The following PPARGC1A variants were observed in gnomAD, a reference collection of about 807,000 sequenced individuals.
PPARGC1A encodes peroxisome proliferator-activated receptor gamma coactivator 1-alpha.
In PPARGC1A, 25 loss-of-function variants were observed where a neutral mutation model predicts 88.7. The ratio of observed to expected loss-of-function variants is 0.28; its 90% CI spans 0.21 to 0.39. The LOEUF (loss-of-function observed/expected upper bound fraction) is 0.39. Ranked by LOEUF, PPARGC1A falls within the 10% of genes least tolerant of loss-of-function variation. The pLI is 1.00. For synonymous variants in PPARGC1A, 363 were observed against 355.6 expected (o/e 1.02, Z -0.24); for missense variants, 880 against 968.7 (o/e 0.91, Z 1.22).
chr4:23,966,773 C>T, the PPARGC1A span, among the ~76,000 whole-genome samples: 82 of 152,298 alleles, frequency 5.4e-4, no homozygotes, highest in Non-Finnish European at 8.8e-4. Context: ...TTAGACCAGG[C>T]ATTGTGGCTT....
At chr4:23,994,411 GA>G in the PPARGC1A span, among the ~76,000 whole-genome samples, 3 of 152,134 alleles carry the variant, frequency 2.0e-5, no homozygotes, top group Non-Finnish European at 2.9e-5. Context: ...GGTTTGAGGA[GA>G]AAAGTGGTCT....
the PPARGC1A span, among the ~76,000 whole-genome samples, chr4:23,973,015 G>A: frequency 1.3e-5 from 2 of 152,074 alleles, no homozygotes; most frequent in Non-Finnish European, 2.9e-5. Flanking sequence ...TCAATTGCAG[G>A]GATTCTACCA....
At chr4:24,170,430 G>A in the PPARGC1A span, among the ~76,000 whole-genome samples, 1 of 152,100 alleles carries the variant, frequency 6.6e-6, no homozygotes, top group Non-Finnish European at 1.5e-5. Context: ...ATACCAAGAG[G>A]GTATAATCTA....
chr4:24,059,924 G>A, the PPARGC1A span, among the ~76,000 whole-genome samples: 4 of 152,112 alleles, frequency 2.6e-5, no homozygotes, highest in Non-Finnish European at 2.9e-5. Flanking sequence ...TGATTGCGCC[G>A]TCTCTGCTCT....
the PPARGC1A span, among the ~76,000 whole-genome samples, chr4:24,245,862 TGC>T: frequency 1.2e-5 from 1 of 83,118 alleles, no homozygotes; most frequent in Admixed American, 1.4e-4. Flanking sequence ...ATTAAATTGC[TGC>T]TATTTGTTGT....
At chr4:23,875,164 T>C (rs60571065) in intron 2 of PPARGC1A, among the ~76,000 whole-genome samples, 8 of 151,630 alleles carry the variant, frequency 5.3e-5, no homozygotes, top group African/African-American at 4.8e-5. Flanking sequence ...AAAAAGATAA[T>C]TGTTTGTGGA....
chr4:23,811,337 AT>A (rs1720859843), intron 10 of PPARGC1A, among the ~76,000 whole-genome samples: 1 of 152,094 alleles, frequency 6.6e-6, no homozygotes, highest in Non-Finnish European at 1.5e-5. Flanking sequence ...GTCAAAAATC[AT>A]TTCCCTAAGC....
the PPARGC1A span, among the ~76,000 whole-genome samples, chr4:24,014,718 G>A: frequency 6.6e-6 from 1 of 152,104 alleles, no homozygotes; most frequent in Non-Finnish European, 1.5e-5. Context: ...GCCATGAGGA[G>A]AGTATCTGTC....
At chr4:24,173,113 G>C in the PPARGC1A span, among the ~76,000 whole-genome samples, 1 of 152,104 alleles carries the variant, frequency 6.6e-6, no homozygotes, top group African/African-American at 2.4e-5. Context: ...CATGTTACTG[G>C]TGACAGGGCA....
the PPARGC1A span, among the ~76,000 whole-genome samples, chr4:24,049,297 T>TAC: frequency 9.6e-5 from 5 of 52,216 alleles, no homozygotes; most frequent in Admixed American, 1.3e-3. Context: ...TGTGTGTATA[T>TAC]ATATATGTGT....
chr4:23,959,798 G>A, the PPARGC1A span, among the ~76,000 whole-genome samples: 37 of 152,154 alleles, frequency 2.4e-4, no homozygotes, highest in South Asian at 4.1e-4. Flanking sequence ...CATATTAGCC[G>A]GGAAGGTAAT....
At chr4:24,171,417 T>C in the PPARGC1A span, among the ~76,000 whole-genome samples, 2 of 151,478 alleles carry the variant, frequency 1.3e-5, no homozygotes, top group Admixed American at 1.3e-4. Flanking sequence ...AAAAAAAAAG[T>C]GTCCCGTGCC....
At chr4:24,255,403 A>G in the PPARGC1A span, among the ~76,000 whole-genome samples, 11 of 152,226 alleles carry the variant, frequency 7.2e-5, no homozygotes, top group African/African-American at 1.4e-4. Flanking sequence ...CTCTCCCTAT[A>G]TTCTGAAATA....
the PPARGC1A span, among the ~76,000 whole-genome samples, chr4:24,229,526 G>C: frequency 7.3e-5 from 11 of 151,154 alleles, no homozygotes; most frequent in African/African-American, 2.7e-4. Context: ...CCCCTCAAAA[G>C]AAATCTTTCT....
the PPARGC1A span, among the ~76,000 whole-genome samples, chr4:24,260,424 C>T: frequency 6.6e-6 from 1 of 152,214 alleles, no homozygotes. Flanking sequence ...TTTACTTGCA[C>T]ATTAATAAAA....
chr4:24,151,566 T>C, the PPARGC1A span, among the ~76,000 whole-genome samples: 1 of 152,192 alleles, frequency 6.6e-6, no homozygotes, highest in African/African-American at 2.4e-5. Context: ...CTATTACCAA[T>C]TGAGAAAACA....
At chr4:24,239,699 G>GA in the PPARGC1A span, among the ~76,000 whole-genome samples, 5 of 150,634 alleles carry the variant, frequency 3.3e-5, no homozygotes, top group Non-Finnish European at 5.9e-5. Flanking sequence ...GTTTTGGGTA[G>GA]AAAAAAAAAG....
the PPARGC1A span, among the ~76,000 whole-genome samples, chr4:23,949,778 A>G: frequency 1.3e-5 from 2 of 152,106 alleles, no homozygotes; most frequent in African/African-American, 2.4e-5. Context: ...CAATCTATGA[A>G]ACTCTGAGGC....
chr4:23,947,449 T>G, the PPARGC1A span, among the ~76,000 whole-genome samples: 2 of 147,938 alleles, frequency 1.4e-5, no homozygotes, highest in South Asian at 4.3e-4. Flanking sequence ...ATCAGTCTGC[T>G]CAATGTCACG....
Sources: allele counts gnomAD v4.1 joint callset (sites outside exome capture counted in the v4.1 genomes callset), GRCh38; gene constraint gnomAD v4.1.1; transcripts MANE v1.5; gene names NCBI Gene and HGNC (gene_info 2026-07-23, HGNC 2026-07-21).